The following MPPED2 variants were observed in gnomAD, a reference collection of about 807,000 sequenced individuals.
The protein encoded by MPPED2 is metallophosphoesterase domain containing 2.
Under a neutral mutation model 33.0 loss-of-function variants are expected in MPPED2, and 5 were observed. The ratio of observed to expected loss-of-function variants is 0.15; its 90% CI spans 0.08 to 0.32. MPPED2 has a LOEUF of 0.32. MPPED2 is among the 10% of genes least tolerant of loss of function. The probability of loss-of-function intolerance (pLI) is 1.00; values close to 1 mark genes in which losing one functional copy is unlikely to be tolerated. For missense variants in MPPED2, 275 were observed against 372.1 expected, an observed-to-expected ratio of 0.74 and a Z score of 2.15; for synonymous variants, 136 against 141.9, an observed-to-expected ratio of 0.96 and a Z score of 0.29.
chr11:30,572,809 C>G (rs997696542), intron 2 of MPPED2, among the ~76,000 whole-genome samples: 1 of 152,124 alleles, frequency 6.6e-6, no homozygotes, highest in Admixed American at 6.6e-5. Flanking sequence ...AATGATGTCT[C>G]TATTATATTC....
chr11:30,464,965 TC>T (rs1329473033), intron 4 of MPPED2, among the ~76,000 whole-genome samples: 1 of 152,210 alleles, frequency 6.6e-6, no homozygotes, highest in African/African-American at 2.4e-5. Context: ...TTTCTACTAC[TC>T]ACTAGCTATA....
At chr11:30,392,148 A>C (rs183143273) in intron 6 of MPPED2, among the ~76,000 whole-genome samples, 1 of 152,348 alleles carries the variant, frequency 6.6e-6, no homozygotes, top group African/African-American at 2.4e-5. Context: ...TTCAAATAAC[A>C]AATTCAACAA....
At chr11:30,455,941 AAC>A (rs2133974136) in intron 4 of MPPED2, among the ~76,000 whole-genome samples, 2 of 152,342 alleles carry the variant, frequency 1.3e-5, no homozygotes, top group African/African-American at 4.8e-5. Flanking sequence ...TCTCCACTCT[AAC>A]ACAGACAGGA....
At chr11:30,402,558 A>G (rs1364714046) in intron 6 of MPPED2, among the ~76,000 whole-genome samples, 1 of 152,190 alleles carries the variant, frequency 6.6e-6, no homozygotes, top group African/African-American at 2.4e-5. Flanking sequence ...TTAATTTATA[A>G]TTTTGAGAAA....
chr11:30,433,105 G>A (rs1949156151), intron 4 of MPPED2, among the ~76,000 whole-genome samples: 1 of 152,202 alleles, frequency 6.6e-6, no homozygotes, highest in Non-Finnish European at 1.5e-5. Context: ...GTTTCCTGGT[G>A]TAACTTTTAA....
At chr11:30,522,387 TACACAC>T (rs60549510) in intron 3 of MPPED2, among the ~76,000 whole-genome samples, 14,069 of 146,140 alleles carry the variant, frequency 0.096, 872 homozygotes, top group African/African-American at 0.18. Flanking sequence ...CAGGAAAACA[TACACAC>T]ACACACACAC....
At chr11:30,507,295 T>G (rs1179885812) in intron 3 of MPPED2, among the ~76,000 whole-genome samples, 1 of 152,244 alleles carries the variant, frequency 6.6e-6, no homozygotes, top group Non-Finnish European at 1.5e-5. Flanking sequence ...ATAATATTTC[T>G]GAAGGCATCA....
chr11:30,521,454 C>A (rs1026647747), intron 3 of MPPED2, among the ~76,000 whole-genome samples: 3 of 152,168 alleles, frequency 2.0e-5, no homozygotes, highest in Admixed American at 6.5e-5. Context: ...CAGAAACACA[C>A]AGAGTATCTC....
intron 4 of MPPED2, among the ~76,000 whole-genome samples, chr11:30,442,137 A>G (rs777736759): frequency 7.2e-5 from 11 of 152,182 alleles, no homozygotes; most frequent in Non-Finnish European, 1.6e-4. Context: ...AAGAATGTGA[A>G]GAAGAACAGA....
intron 3 of MPPED2, among the ~76,000 whole-genome samples, chr11:30,512,465 G>T (rs1378959815): frequency 6.6e-6 from 1 of 151,690 alleles, no homozygotes; most frequent in East Asian, 1.9e-4. Context: ...GAAGAAGTTT[G>T]AATTTACAAA....
chr11:30,393,237 T>C (rs1294778824), intron 6 of MPPED2, among the ~76,000 whole-genome samples: 2 of 151,968 alleles, frequency 1.3e-5, no homozygotes, highest in Admixed American at 6.6e-5. Context: ...TCCTTCCTAA[T>C]AGACAACCCT....
chr11:30,577,149 C>A (rs1590926194), intron 2 of MPPED2, among the ~76,000 whole-genome samples: 2 of 152,168 alleles, frequency 1.3e-5, no homozygotes, highest in East Asian at 3.9e-4. Flanking sequence ...TAAAAAGATC[C>A]TTAACCATCA....
In MPPED2 at chr11:30,514,480, C is replaced by A. The variant is rs1248512180; in HGVS notation, c.311-18959G>T. Among the ~76,000 whole-genome samples, 3 of 152,210 alleles carry A rather than the reference C, an allele frequency of 2.0e-5. No homozygotes were observed. The East Asian group carries it at 5.8e-4, about 29-fold the overall frequency. On this transcript the variant is annotated intron_variant, in intron 3 of 6. Transcript: ENST00000358117. ...GTATCATCACTGAGCCCCTGAATTA[C>A]CAGATGCTGAAAACTGCTTTGTGCC...
intron 3 of MPPED2, among the ~76,000 whole-genome samples, chr11:30,535,258 G>A (rs573611330): frequency 6.6e-6 from 1 of 152,100 alleles, no homozygotes; most frequent in Non-Finnish European, 1.5e-5. Context: ...CTCCCAGAGT[G>A]ACGTCTGCTC....
At chr11:30,386,835 GC>G in exon 7 of MPPED2, 1 of 398,514 alleles carries the variant, frequency 2.5e-6, no homozygotes, top group Admixed American at 4.4e-5. Context: ...ACACATAATA[GC>G]AATAGCAAAA....
At chr11:30,540,675 C>CACAA (rs1955053483) in intron 2 of MPPED2, among the ~76,000 whole-genome samples, 1 of 152,102 alleles carries the variant, frequency 6.6e-6, no homozygotes, top group South Asian at 2.1e-4. Flanking sequence ...AAATCACATA[C>CACAA]ACAACACCCA....
chr11:30,575,209 C>T (rs1956874923), intron 2 of MPPED2, among the ~76,000 whole-genome samples: 1 of 151,998 alleles, frequency 6.6e-6, no homozygotes, highest in East Asian at 1.9e-4. Context: ...ACAGATACTA[C>T]ACAATACAAA....
chr11:30,548,664 G>A (rs1158941115), intron 2 of MPPED2, among the ~76,000 whole-genome samples: 1 of 151,868 alleles, frequency 6.6e-6, no homozygotes, highest in South Asian at 2.1e-4. Context: ...AAAAGAAGGT[G>A]CATTTTACCT....
At chr11:30,564,996 G>T (rs958076388) in intron 2 of MPPED2, among the ~76,000 whole-genome samples, 3 of 152,058 alleles carry the variant, frequency 2.0e-5, no homozygotes, top group Non-Finnish European at 4.4e-5. Context: ...AGTTATATAT[G>T]ACATCCTCCA....
Sources: gnomAD v4.1 joint callset for allele counts (sites outside exome capture counted in the v4.1 genomes callset) on GRCh38, gnomAD v4.1.1 for gene constraint, MANE v1.5 for transcripts, NCBI Gene and HGNC (gene_info 2026-07-23, HGNC 2026-07-21) for gene names.